PHACTR3: variants seen among roughly 807,000 people sequenced by gnomAD.
PHACTR3 encodes the protein protein phosphatase 1, regulatory subunit 123.
A neutral mutation model predicts 66.8 loss-of-function variants in PHACTR3; 16 were observed. The observed-to-expected ratio is 0.24, with a 90% CI of 0.16 to 0.36. The LOEUF (loss-of-function observed/expected upper bound fraction) is 0.36. PHACTR3 is among the 10% of genes least tolerant of loss of function. The pLI is 1.00. For synonymous variants in PHACTR3, 323 were observed against 292.1 expected, an observed-to-expected ratio of 1.11 and a Z score of -1.08; for missense variants, 647 against 719.9, an observed-to-expected ratio of 0.90 and a Z score of 1.16.
At chr20:59,643,131 T>G (rs1307511299) in intron 1 of PHACTR3, among the ~76,000 whole-genome samples, 4 of 152,196 alleles carry the variant, frequency 2.6e-5, no homozygotes, top group African/African-American at 4.8e-5. Context: ...CAGGATGGTC[T>G]CGATCTCATG....
At chr20:59,699,691 C>G (rs1316892817) in intron 1 of PHACTR3, among the ~76,000 whole-genome samples, 2 of 152,116 alleles carry the variant, frequency 1.3e-5, no homozygotes, top group African/African-American at 4.8e-5. Flanking sequence ...TGGCCGGGCG[C>G]GGTGGCTCAC....
intron 7 of PHACTR3, among the ~76,000 whole-genome samples, chr20:59,787,713 G>A (rs550974269): frequency 2.6e-5 from 4 of 152,216 alleles, no homozygotes; most frequent in African/African-American, 7.2e-5. Context: ...TTAGTCAGGC[G>A]CCCTGGGCTA....
At position 59,727,630 on chromosome 20, in the gene PHACTR3, C is replaced by T. The variant is rs954295059; in HGVS notation, c.119-15477C>T. Among the ~76,000 whole-genome samples the T allele has an allele frequency of 2.6e-4, 40 of 152,112 alleles. 1 individual carries two copies. The highest frequency in any genetic ancestry group is 2.9e-5 in the Non-Finnish European group (2 of 68,014). On this transcript the variant is annotated intron_variant, in intron 1 of 12. Coordinates refer to ENST00000371015, the MANE Select transcript of PHACTR3 (RefSeq NM_080672.5). Reference sequence around the variant, plus strand: ...TGTGACCTTGGGCAAGTCACCTCTCCCTCTGAGCCTCACTTTTCTCACCTG... The same window carrying T: ...TGTGACCTTGGGCAAGTCACCTCTCTCTCTGAGCCTCACTTTTCTCACCTG...
At position 59,736,020 on chromosome 20, in the gene PHACTR3, A is replaced by G. The variant is rs2038933711; in HGVS notation, c.119-7087A>G. Among the ~76,000 whole-genome samples, 1 of 152,076 alleles carries G rather than the reference A, an allele frequency of 6.6e-6. No individual in the cohort carries two copies. Among genetic ancestry groups the G allele is most frequent in the African/African-American group, 2.4e-5 (1 of 41,430 alleles). On this transcript the variant is annotated intron_variant, in intron 1 of 12. Transcript: ENST00000371015. This position sits in a 1 kb window ranked among gnomAD's most constrained non-coding sequence, Gnocchi z 4.6. ...TGGAGTTAGTTACCCAGGGACAAGT[A>G]TACCAGCTACTGTGAGCCTGAGAGA...
At chr20:59,823,917 G>T (rs978275295) in intron 8 of PHACTR3, among the ~76,000 whole-genome samples, 8 of 152,222 alleles carry the variant, frequency 5.3e-5, no homozygotes, top group African/African-American at 1.9e-4. Context: ...AAATAGGTTT[G>T]GGAACAGAAG....
Position 59,662,459 on chromosome 20 carries a change from G to T in PHACTR3, c.118+57327G>T, listed in dbSNP as rs576396811. Among the ~76,000 whole-genome samples, 439 of 152,236 alleles carry T rather than the reference G, an allele frequency of 2.9e-3. 3 individuals carry two copies. The highest frequency in any genetic ancestry group is 1.0e-2 in the African/African-American group (415 of 41,530). ...TCAGACAGGGGTCCTGAGCAGGAGA[G>T]AGCAGGATGTATGGACCAACGAAAG... On this transcript the variant is annotated intron_variant, in intron 1 of 12. Transcript: ENST00000371015.
chr20:59,828,523 C>T (rs182548204), intron 8 of PHACTR3, among the ~76,000 whole-genome samples: 13 of 152,136 alleles, frequency 8.5e-5, no homozygotes, highest in East Asian at 7.7e-4. Context: ...TTTGGTTATG[C>T]GTGTCAGGGA....
In PHACTR3 at chr20:59,738,601, T is replaced by C. The variant is rs1183543771; in HGVS notation, c.119-4506T>C. Among the ~76,000 whole-genome samples, 4 of 152,196 alleles carry C rather than the reference T, an allele frequency of 2.6e-5. No homozygotes were observed. Among genetic ancestry groups the C allele is most frequent in the African/African-American group, 9.6e-5 (4 of 41,534 alleles). On this transcript the variant is annotated intron_variant, in intron 1 of 12. Transcript: ENST00000371015. The surrounding 1 kb of genome is among the most constrained non-coding windows in gnomAD (Gnocchi z 4.4). ...CGTTTTGCCTTGGCTGCTAGGAAGC[T>C]CAGGGCACACAAATACCCTCCTCTG...
At position 59,745,983 on chromosome 20, in the gene PHACTR3, A is replaced by G. The variant is rs2426826; in HGVS notation, c.281-1775A>G. On this transcript the variant is annotated intron_variant, in intron 2 of 12. Coordinates refer to ENST00000371015, the MANE Select transcript of PHACTR3 (RefSeq NM_080672.5). ...GCCGGCCTGGGGACGGGGTCCACAC[A>G]GAGCTCGAGGCCTCCACCCCTGTTC... Among the ~76,000 whole-genome samples, 101 of 152,346 alleles carry G rather than the reference A, an allele frequency of 6.6e-4. 1 individual carries two copies. The highest frequency in any genetic ancestry group is 1.1e-3 in the Non-Finnish European group (76 of 68,036).
At chr20:59,742,861 C>G (rs186948539) in intron 1 of PHACTR3, among the ~76,000 whole-genome samples, 1 of 152,136 alleles carries the variant, frequency 6.6e-6, no homozygotes, top group South Asian at 2.1e-4. Flanking sequence ...CGTCATATGG[C>G]GGAAGGCGAA....
In PHACTR3 at chr20:59,829,519, G is replaced by C. The variant is rs545358320; in HGVS notation, c.1329-6986G>C. On this transcript the variant is annotated intron_variant, in intron 8 of 12. Transcript: ENST00000371015. The surrounding 1 kb of genome is among the most constrained non-coding windows in gnomAD (Gnocchi z 4.2). ...TGCACCCAGATGGTGTGCGCCTGGG[G>C]GCAAGCAGACGAGACATCTGCCCCA... is the stretch of plus-strand genomic sequence containing the variant. Among the ~76,000 whole-genome samples, 2 of 152,350 alleles carry C rather than the reference G, an allele frequency of 1.3e-5. No individual in the cohort carries two copies. Among genetic ancestry groups the C allele is most frequent in the South Asian group, 4.1e-4 (2 of 4,832 alleles).
At position 59,755,242 on chromosome 20, in the gene PHACTR3, C is replaced by A; in HGVS notation, c.419C>A (p.Pro140His). 6.2e-7 allele frequency: 1 copy of A among 1,613,986 alleles called. No individual in the cohort carries two copies. The highest frequency in any genetic ancestry group is 8.5e-7 in the Non-Finnish European group (1 of 1,180,044). Residue 140 changes from proline to histidine, a missense_variant, in exon 4 of 13, where the codon CCC becomes CAC. Physicochemically the swap from Pro to His is moderately conservative, Grantham distance 77. This residue lies in a region of PHACTR3 where 577 missense variants were observed against 571.1 expected (regional missense o/e 1.01). Coordinates refer to ENST00000371015, the MANE Select transcript of PHACTR3 (RefSeq NM_080672.5). ...GGPRSVQSEPPTPKSETLTSE... is the reference protein window; with the variant it reads ...GGPRSVQSEPHTPKSETLTSE... ...CCCCGATCTGTACAGAGTGAACCAC[C>A]CACTCCCAAGTCGGAGACGCTGACT...
chr20:59,836,312 C>G (rs2058964446), intron 8 of PHACTR3, 193 bp from the exon 9 acceptor site: 1 of 565,678 alleles, frequency 1.8e-6, no homozygotes, highest in African/African-American at 1.9e-5. Context: ...GACGGGAGAG[C>G]TTTGACTGTC....
intron 1 of PHACTR3, among the ~76,000 whole-genome samples, chr20:59,691,777 G>A (rs118183238): frequency 0.031 from 4,648 of 152,222 alleles, 103 homozygotes; most frequent in Non-Finnish European, 0.046. Context: ...TCATTTTCTG[G>A]AGAGGATATG....
chr20:59,800,796 T>G (rs1204011991), intron 7 of PHACTR3, among the ~76,000 whole-genome samples: 1 of 152,222 alleles, frequency 6.6e-6, no homozygotes, highest in Non-Finnish European at 1.5e-5. Flanking sequence ...TGGGAAGCAG[T>G]TAAGTTACTT....
chr20:59,682,714 C>G (rs1344687499), intron 1 of PHACTR3, among the ~76,000 whole-genome samples: 1 of 152,200 alleles, frequency 6.6e-6, no homozygotes, highest in African/African-American at 2.4e-5. Flanking sequence ...ATGTGGATAT[C>G]TGAGGCAAGA....
At chr20:59,783,523 T>C (rs1261086094) in intron 7 of PHACTR3, among the ~76,000 whole-genome samples, 1 of 149,278 alleles carries the variant, frequency 6.7e-6, no homozygotes, top group Non-Finnish European at 1.5e-5. Context: ...CCTAAGTCCC[T>C]TGACAAGGTG....
At chr20:59,770,280 A>G (rs1319018393) in intron 5 of PHACTR3, among the ~76,000 whole-genome samples, 44 of 152,218 alleles carry the variant, frequency 2.9e-4, no homozygotes, top group Admixed American at 2.7e-3. Context: ...GTTCCGAGCT[A>G]TGGGTCCTGG....
chr20:59,674,889 T>G (rs1368036377), intron 1 of PHACTR3, among the ~76,000 whole-genome samples: 4 of 88,104 alleles, frequency 4.5e-5, no homozygotes, highest in Admixed American at 1.2e-4. Context: ...GCTTCTCCTG[T>G]CTCTGCCTTC....
Sources: allele counts gnomAD v4.1 joint callset (sites outside exome capture counted in the v4.1 genomes callset), GRCh38; gene constraint gnomAD v4.1.1; regional missense constraint gnomAD v4.1.1; non-coding constraint Gnocchi (gnomAD v3.1); transcripts MANE v1.5; gene names NCBI Gene and HGNC (gene_info 2026-07-23, HGNC 2026-07-21).